The following RGS7 variants were observed in gnomAD, a reference collection of about 807,000 sequenced individuals.
RGS7 encodes regulator of G-protein signaling 7.
Under a neutral mutation model 81.1 loss-of-function variants are expected in RGS7, and 27 were observed. The observed-to-expected ratio is 0.33, with a 90% CI of 0.25 to 0.46. The LOEUF is 0.46. Among genes scored for constraint, RGS7 ranks in the 20% least tolerant of loss-of-function variants. The probability of loss-of-function intolerance (pLI) is 1.00; values close to 1 mark genes in which losing one functional copy is unlikely to be tolerated. For missense variants in RGS7, 396 were observed against 607.4 expected, an observed-to-expected ratio of 0.65 and a Z score of 3.66; for synonymous variants, 208 against 207.7, an observed-to-expected ratio of 1.00 and a Z score of -0.01.
intron 2 of RGS7, among the ~76,000 whole-genome samples, chr1:241,289,503 C>T (rs1419265826): frequency 2.0e-5 from 3 of 152,130 alleles, no homozygotes; most frequent in African/African-American, 7.2e-5. Flanking sequence ...TGTGCCCCAA[C>T]CAAAAATCAG....
At chr1:240,846,594 C>T (rs1165440329) in intron 9 of RGS7, among the ~76,000 whole-genome samples, 2 of 152,056 alleles carry the variant, frequency 1.3e-5, no homozygotes, top group Non-Finnish European at 2.9e-5. Context: ...TCTATTTTCC[C>T]AGATTCTACT....
chr1:241,300,546 T>C (rs1354681209), intron 2 of RGS7, among the ~76,000 whole-genome samples: 6 of 152,254 alleles, frequency 3.9e-5, no homozygotes, highest in Non-Finnish European at 8.8e-5. Flanking sequence ...TAGACTTCTT[T>C]CACTTAGCAT....
chr1:241,293,658 AAAG>A (rs938670434), intron 2 of RGS7, among the ~76,000 whole-genome samples: 42 of 152,236 alleles, frequency 2.8e-4, no homozygotes, highest in African/African-American at 1.0e-3. Flanking sequence ...ATATTTTTGT[AAAG>A]AAGAGTCAAA....
chr1:240,974,892 C>T (rs1683820972), intron 4 of RGS7, among the ~76,000 whole-genome samples: 2 of 151,432 alleles, frequency 1.3e-5, no homozygotes, highest in Non-Finnish European at 2.9e-5. Context: ...ATTAAAAGCA[C>T]TTTTCAGAGG....
Position 240,836,073 on chromosome 1 carries a change from A to G in RGS7, c.610-8901T>C, listed in dbSNP as rs192409771. On this transcript the variant is annotated intron_variant, in intron 9 of 18. Transcript: ENST00000440928. ...TCAACAGTGAACTCTAATGTAAACT[A>G]CAGAGTGCAGGTGATAATGATATAT... Among the ~76,000 whole-genome samples, 16 of 151,504 alleles carry G rather than the reference A, an allele frequency of 1.1e-4. No individual in the cohort carries two copies. The East Asian group carries it at 2.9e-3, about 28-fold the overall frequency.
chr1:241,229,828 C>T (rs1352503337), intron 2 of RGS7, among the ~76,000 whole-genome samples: 1 of 152,194 alleles, frequency 6.6e-6, no homozygotes, highest in Non-Finnish European at 1.5e-5. Flanking sequence ...CTTGAACATT[C>T]ATAAAACTTA....
rs540482902 is a variant in RGS7, at chr1:240,922,514, A to G, written c.385+8203T>C. On this transcript the variant is annotated intron_variant, in intron 6 of 18. Transcript: ENST00000440928. ...CCACAATATACAAGGAACTCTTACA[A>G]TTCAACAATAAGAAAACAACACAAT... 3.3e-5 allele frequency among the ~76,000 whole-genome samples: 5 copies of G among 152,264 alleles called. No individual in the cohort carries two copies. In the East Asian group the frequency reaches 9.6e-4, roughly 29 times the overall value.
chr1:241,140,297 G>A (rs1207660899), intron 2 of RGS7, among the ~76,000 whole-genome samples: 1 of 152,148 alleles, frequency 6.6e-6, no homozygotes, highest in Non-Finnish European at 1.5e-5. Context: ...CTCCTACCAG[G>A]AGCTCCCTCC....
chr1:241,082,343 G>A (rs972612452), intron 3 of RGS7, among the ~76,000 whole-genome samples: 2 of 152,198 alleles, frequency 1.3e-5, no homozygotes, highest in African/African-American at 4.8e-5. Flanking sequence ...ACAAGCGACA[G>A]CTATCTAGGA....
intron 2 of RGS7, among the ~76,000 whole-genome samples, chr1:241,199,408 G>C (rs548979353): frequency 3.3e-5 from 5 of 151,806 alleles, no homozygotes; most frequent in African/African-American, 1.2e-4. Flanking sequence ...TGGTGACAGA[G>C]TGAGACTGTC....
intron 3 of RGS7, among the ~76,000 whole-genome samples, chr1:241,086,214 T>A (rs934076910): frequency 2.6e-5 from 4 of 152,220 alleles, no homozygotes; most frequent in Non-Finnish European, 5.9e-5. Context: ...TTGTTCTACA[T>A]ACGTTGCCTG....
chr1:241,318,533 C>T (rs1358027330), intron 2 of RGS7, among the ~76,000 whole-genome samples: 7 of 151,864 alleles, frequency 4.6e-5, no homozygotes, highest in Non-Finnish European at 1.0e-4. Flanking sequence ...CTTGGCTCAC[C>T]ACAACCTCTG....
At chr1:240,967,333 A>G (rs1017252807) in intron 4 of RGS7, among the ~76,000 whole-genome samples, 6 of 152,190 alleles carry the variant, frequency 3.9e-5, no homozygotes, top group African/African-American at 2.4e-5. Flanking sequence ...GAGACATGAG[A>G]AGAGCCTCAG....
Position 240,977,435 on chromosome 1 carries a change from T to G in RGS7, c.226+5644A>C, listed in dbSNP as rs183644966. ...TTTATATAACACAAACACACACACG[T>G]AAATACATATCTTTTAGATTCTTAC... On this transcript the variant is annotated intron_variant, in intron 4 of 18. Coordinates refer to ENST00000440928, the MANE Select transcript of RGS7 (RefSeq NM_001364886.1). 8.9e-4 allele frequency among the ~76,000 whole-genome samples: 136 copies of G among 152,340 alleles called. 8 individuals are homozygous for G. In the East Asian group the frequency reaches 0.015, roughly 16 times the overall value.
intron 10 of RGS7, among the ~76,000 whole-genome samples, chr1:240,826,218 G>C (rs1319259587): frequency 6.6e-6 from 1 of 152,166 alleles, no homozygotes; most frequent in Non-Finnish European, 1.5e-5. Context: ...GTGGTGCTTT[G>C]CTTCAGCTTC....
At chr1:241,093,492 T>C (rs1474159809) in intron 3 of RGS7, among the ~76,000 whole-genome samples, 1 of 152,224 alleles carries the variant, frequency 6.6e-6, no homozygotes, top group Non-Finnish European at 1.5e-5. Context: ...TCAATGTTCA[T>C]TGCATTGAAT....
At chr1:240,985,079 C>T (rs957829584) in intron 3 of RGS7, among the ~76,000 whole-genome samples, 2 of 152,164 alleles carry the variant, frequency 1.3e-5, no homozygotes, top group South Asian at 2.1e-4. Flanking sequence ...GGCAGTTGAC[C>T]GTGTCCCGGT....
chr1:241,023,778 T>G (rs2059657196), intron 3 of RGS7, among the ~76,000 whole-genome samples: 1 of 152,238 alleles, frequency 6.6e-6, no homozygotes, highest in Non-Finnish European at 1.5e-5. Flanking sequence ...GTAGTTTCAC[T>G]CTTGTTGCCC....
At chr1:241,308,140 T>C (rs2080287288) in intron 2 of RGS7, among the ~76,000 whole-genome samples, 1 of 151,444 alleles carries the variant, frequency 6.6e-6, no homozygotes, top group South Asian at 2.1e-4. Flanking sequence ...TTGCTGTTGC[T>C]AGGGAGATAG....
Sources: gnomAD v4.1 joint callset for allele counts (sites outside exome capture counted in the v4.1 genomes callset) on GRCh38, gnomAD v4.1.1 for gene constraint, MANE v1.5 for transcripts, NCBI Gene and HGNC (gene_info 2026-07-23, HGNC 2026-07-21) for gene names.